GRIP1: variants seen among roughly 807,000 people sequenced by gnomAD.
GRIP1 encodes the protein glutamate receptor interacting protein 1, also known as glutamate receptor-interacting protein 1.
In GRIP1, 45 loss-of-function variants were observed where a neutral mutation model predicts 129.9. The ratio of observed to expected loss-of-function variants is 0.35; its 90% CI spans 0.27 to 0.44. The LOEUF is 0.44. GRIP1 is among the 20% of genes least tolerant of loss of function. The pLI is 1.00. For missense variants in GRIP1, 1,196 were observed against 1,396.8 expected (o/e 0.86, Z 2.29); for synonymous variants, 530 against 520.8 (o/e 1.02, Z -0.24).
At chr12:66,587,723 G>C (rs1371519747) in intron 2 of GRIP1, among the ~76,000 whole-genome samples, 1 of 152,150 alleles carries the variant, frequency 6.6e-6, no homozygotes, top group Admixed American at 6.5e-5. Context: ...TAAAGGATGG[G>C]CCAGAGCAAA....
intron 1 of GRIP1, among the ~76,000 whole-genome samples, chr12:66,649,102 A>G (rs76573761): frequency 4.5e-4 from 68 of 152,360 alleles, no homozygotes; most frequent in Admixed American, 1.4e-3. Flanking sequence ...ATAGCTTAAA[A>G]AAAGAATCTA....
intron 23 of GRIP1, among the ~76,000 whole-genome samples, chr12:66,370,560 C>T (rs1421029549): frequency 1.3e-5 from 2 of 152,204 alleles, no homozygotes; most frequent in Non-Finnish European, 2.9e-5. Flanking sequence ...CTGAATCTGA[C>T]ATTTATTTGC....
chr12:66,479,061 A>G (rs986420838), intron 7 of GRIP1, among the ~76,000 whole-genome samples: 2 of 150,998 alleles, frequency 1.3e-5, no homozygotes, highest in African/African-American at 2.4e-5. Flanking sequence ...AAAAAGAAAA[A>G]AAAGAGAAAG....
chr12:66,610,982 C>T (rs921268124), intron 1 of GRIP1, among the ~76,000 whole-genome samples: 3 of 152,170 alleles, frequency 2.0e-5, no homozygotes, highest in African/African-American at 7.2e-5. Context: ...CACTGTATAA[C>T]TATAGCCTTT....
intron 1 of GRIP1, among the ~76,000 whole-genome samples, chr12:66,887,258 G>C (rs920802063): frequency 4.6e-5 from 7 of 152,200 alleles, no homozygotes; most frequent in Non-Finnish European, 8.8e-5. Flanking sequence ...AAGAAAGACT[G>C]CTGAAGCATA....
chr12:67,032,126 C>G (rs2043031837), intron 1 of GRIP1, among the ~76,000 whole-genome samples: 1 of 152,142 alleles, frequency 6.6e-6, no homozygotes, highest in African/African-American at 2.4e-5. Context: ...ATAGGCTTTT[C>G]GTTGTCTTAG....
intron 1 of GRIP1, among the ~76,000 whole-genome samples, chr12:66,976,520 T>C (rs903905583): frequency 5.9e-5 from 9 of 152,214 alleles, no homozygotes; most frequent in Non-Finnish European, 1.3e-4. Flanking sequence ...AAATGCCTTG[T>C]TTCTCCAACT....
At chr12:67,066,879 A>AATATACATATATAT (rs1555170027) in intron 1 of GRIP1, among the ~76,000 whole-genome samples, 4 of 43,960 alleles carry the variant, frequency 9.1e-5, no homozygotes, top group African/African-American at 2.3e-4. Flanking sequence ...GCTCAGTTTA[A>AATATACATATATAT]ATATATATTT....
chr12:66,679,171 C>G, upstream of GRIP1: 1 of 1,367,994 alleles, frequency 7.3e-7, no homozygotes, highest in Non-Finnish European at 9.5e-7. Flanking sequence ...AATGCCGTTT[C>G]GATAGCAACA....
At chr12:66,813,637 G>A (rs2039147897) in intron 1 of GRIP1, among the ~76,000 whole-genome samples, 1 of 152,140 alleles carries the variant, frequency 6.6e-6, no homozygotes, top group African/African-American at 2.4e-5. Context: ...TTCAACCAAA[G>A]GTGTGGGGGC....
chr12:67,028,113 G>A (rs2042966844), intron 1 of GRIP1, among the ~76,000 whole-genome samples: 1 of 152,130 alleles, frequency 6.6e-6, no homozygotes, highest in Non-Finnish European at 1.5e-5. Flanking sequence ...CCAGGGGGAG[G>A]CATTTTTGGA....
chr12:66,930,055 C>CTCTCTT (rs67075541), intron 1 of GRIP1, among the ~76,000 whole-genome samples: 26 of 128,760 alleles, frequency 2.0e-4, no homozygotes, highest in South Asian at 5.3e-4. Flanking sequence ...CTCTCTCTCT[C>CTCTCTT]TTTTTTTTTT....
At chr12:66,405,421 T>A (rs912845848) in intron 16 of GRIP1, among the ~76,000 whole-genome samples, 1 of 152,228 alleles carries the variant, frequency 6.6e-6, no homozygotes, top group African/African-American at 2.4e-5. Context: ...TCTATATTCT[T>A]ATCATAATCA....
At chr12:67,064,845 G>A (rs1190093891) in intron 1 of GRIP1, among the ~76,000 whole-genome samples, 1 of 151,554 alleles carries the variant, frequency 6.6e-6, no homozygotes, top group African/African-American at 2.4e-5. Context: ...CTGGTGCGCT[G>A]CACCCACTAA....
chr12:66,840,725 A>G (rs1318745109), intron 1 of GRIP1, among the ~76,000 whole-genome samples: 2 of 152,202 alleles, frequency 1.3e-5, no homozygotes, highest in African/African-American at 4.8e-5. Context: ...TGATAGAACA[A>G]GAGTCCCCAA....
intron 23 of GRIP1, among the ~76,000 whole-genome samples, chr12:66,361,251 G>T (rs1007796117): frequency 3.3e-5 from 5 of 152,164 alleles, no homozygotes; most frequent in African/African-American, 1.2e-4. Flanking sequence ...GCTGAGGAGA[G>T]AAAGGAAGAG....
intron 2 of GRIP1, among the ~76,000 whole-genome samples, chr12:66,579,676 G>A (rs36008598): frequency 0.25 from 37,243 of 151,772 alleles, 4,688 homozygotes; most frequent in Admixed American, 0.28. Context: ...GATGAAACAC[G>A]TGAAATGAAG....
At chr12:67,068,857 C>A (rs2043681259) in intron 1 of GRIP1, among the ~76,000 whole-genome samples, 1 of 71,720 alleles carries the variant, frequency 1.4e-5, no homozygotes, top group Non-Finnish European at 3.0e-5. Context: ...CATCCCGCCC[C>A]CCCCCCCCCC....
intron 1 of GRIP1, among the ~76,000 whole-genome samples, chr12:66,628,494 A>T (rs2030365725): frequency 6.6e-6 from 1 of 152,140 alleles, no homozygotes; most frequent in Non-Finnish European, 1.5e-5. Context: ...TGCTTCCTCC[A>T]GCCCTTTTAG....
Sources: gnomAD v4.1 joint callset for allele counts (sites outside exome capture counted in the v4.1 genomes callset) on GRCh38, gnomAD v4.1.1 for gene constraint, MANE v1.5 for transcripts, NCBI Gene and HGNC (gene_info 2026-07-23, HGNC 2026-07-21) for gene names.